Variants in CPQ observed in about 807,000 individuals in gnomAD.
CPQ encodes the protein carboxypeptidase Q, also known as Ser-Met dipeptidase.
A neutral mutation model predicts 45.7 loss-of-function variants in CPQ; 37 were observed. The ratio of observed to expected loss-of-function variants is 0.81; its 90% CI spans 0.62 to 1.07. CPQ has a LOEUF of 1.07. CPQ is among the 50% of genes least tolerant of loss of function. CPQ has a pLI of 0.00. For missense variants in CPQ, 537 were observed against 572.9 expected, an observed-to-expected ratio of 0.94 and a Z score of 0.64; for synonymous variants, 186 against 205.8, an observed-to-expected ratio of 0.90 and a Z score of 0.82.
chr8:97,111,388 T>C (rs1022701399), intron 7 of CPQ, among the ~76,000 whole-genome samples: 3 of 152,156 alleles, frequency 2.0e-5, no homozygotes, highest in African/African-American at 7.2e-5. Context: ...GATGACGGCC[T>C]CCCTCATAGC....
intron 4 of CPQ, among the ~76,000 whole-genome samples, chr8:96,949,945 C>T (rs1316339281): frequency 6.6e-6 from 1 of 152,014 alleles, no homozygotes; most frequent in Non-Finnish European, 1.5e-5. Context: ...TTTATGTTTA[C>T]TTTTTATGTT....
chr8:97,123,182 A>AATAAAATAAAAT (rs1811780167), intron 7 of CPQ, among the ~76,000 whole-genome samples: 2 of 120,776 alleles, frequency 1.7e-5, no homozygotes, highest in African/African-American at 6.7e-5. Flanking sequence ...TAAAATATAA[A>AATAAAATAAAAT]ATAAAATAAA....
intron 7 of CPQ, among the ~76,000 whole-genome samples, chr8:97,069,825 A>G (rs1302216895): frequency 6.6e-6 from 1 of 152,182 alleles, no homozygotes; most frequent in Non-Finnish European, 1.5e-5. Flanking sequence ...AGGTGACTGT[A>G]TGATGACTAG....
intron 7 of CPQ, among the ~76,000 whole-genome samples, chr8:97,134,336 A>T (rs1480251158): frequency 1.3e-5 from 2 of 152,248 alleles, no homozygotes; most frequent in Non-Finnish European, 2.9e-5. Flanking sequence ...AGATAGTGCT[A>T]TGAAAAAGAA....
At chr8:96,856,461 A>T (rs540033523) in intron 3 of CPQ, among the ~76,000 whole-genome samples, 36 of 152,200 alleles carry the variant, frequency 2.4e-4, no homozygotes, top group Non-Finnish European at 4.0e-4. Flanking sequence ...TTTATTTGAA[A>T]TTATCTTGTT....
chr8:97,063,273 G>A (rs1423847837), intron 6 of CPQ, among the ~76,000 whole-genome samples: 1 of 152,076 alleles, frequency 6.6e-6, no homozygotes, highest in African/African-American at 2.4e-5. Flanking sequence ...CCACACGTAT[G>A]TCTTCTTTTG....
intron 6 of CPQ, among the ~76,000 whole-genome samples, chr8:97,063,848 A>G (rs1266004986): frequency 6.6e-6 from 1 of 152,028 alleles, no homozygotes; most frequent in Non-Finnish European, 1.5e-5. Context: ...TACCAATACC[A>G]TGCTGTTTTG....
At chr8:96,708,052 C>CT (rs1185583924) in intron 1 of CPQ, among the ~76,000 whole-genome samples, 33 of 152,042 alleles carry the variant, frequency 2.2e-4, no homozygotes, top group Admixed American at 2.2e-3. Flanking sequence ...TTTTCTTTTC[C>CT]TTTCTAGCAT....
chr8:96,889,363 G>A (rs1302571039), intron 4 of CPQ, among the ~76,000 whole-genome samples: 2 of 152,202 alleles, frequency 1.3e-5, no homozygotes, highest in East Asian at 1.9e-4. Context: ...GGCAGGAGTT[G>A]TTGAAGTTTG....
intron 4 of CPQ, among the ~76,000 whole-genome samples, chr8:96,922,189 G>T (rs1315520356): frequency 6.6e-6 from 1 of 152,138 alleles, no homozygotes; most frequent in African/African-American, 2.4e-5. Flanking sequence ...TTAAAAAGAT[G>T]TTTCCAAAGT....
rs142883227 is a variant in CPQ, at chr8:97,128,958, G to A, written c.1256-14062G>A. Reference sequence around the variant, plus strand: ...GAGACATTTCTCCACAGGGGGAAGTGAGTCTAAATATTAGGAGGGTCAGTA... The same window carrying A: ...GAGACATTTCTCCACAGGGGGAAGTAAGTCTAAATATTAGGAGGGTCAGTA... On this transcript the variant is annotated intron_variant, in intron 7 of 7. Transcript: ENST00000220763. 3.5e-4 allele frequency among the ~76,000 whole-genome samples: 54 copies of A among 152,318 alleles called. 1 individual carries two copies. In the East Asian group the frequency reaches 9.9e-3, roughly 28 times the overall value.
At chr8:96,696,111 A>T (rs1418443474) in intron 1 of CPQ, among the ~76,000 whole-genome samples, 1 of 152,062 alleles carries the variant, frequency 6.6e-6, no homozygotes, top group Non-Finnish European at 1.5e-5. Context: ...CTATGCAGCC[A>T]TAAAAAATGA....
In CPQ at chr8:96,655,726, G is replaced by T. The variant is rs539322856; in HGVS notation, c.-35+10324G>T. Among the ~76,000 whole-genome samples the T allele has an allele frequency of 9.5e-4, 144 of 152,294 alleles. 1 individual carries two copies. The highest frequency in any genetic ancestry group is 3.2e-3 in the African/African-American group (133 of 41,562). ...ACCAATTGTAATGTCAAAAAATTAT[G>T]AGTTGAACCATCATAAGTGCAGATG... On this transcript the variant is annotated intron_variant, in intron 1 of 7. Transcript: ENST00000220763.
At chr8:96,716,767 T>G (rs898622688) in intron 1 of CPQ, among the ~76,000 whole-genome samples, 1 of 151,528 alleles carries the variant, frequency 6.6e-6, no homozygotes, top group African/African-American at 2.4e-5. Flanking sequence ...ATTAGCTGGG[T>G]GTGTTGGCGT....
At chr8:97,111,600 A>G (rs1057085520) in intron 7 of CPQ, among the ~76,000 whole-genome samples, 2 of 152,112 alleles carry the variant, frequency 1.3e-5, no homozygotes, top group Non-Finnish European at 2.9e-5. Context: ...GAAGCAATAA[A>G]TTGCTTCAGA....
chr8:96,726,495 A>G (rs1809840907), intron 1 of CPQ, among the ~76,000 whole-genome samples: 1 of 152,108 alleles, frequency 6.6e-6, no homozygotes, highest in Non-Finnish European at 1.5e-5. Flanking sequence ...GAAACATACA[A>G]TCATAGTGGA....
intron 5 of CPQ, among the ~76,000 whole-genome samples, chr8:97,000,754 A>T (rs1490837054): frequency 5.9e-5 from 9 of 151,930 alleles, no homozygotes; most frequent in Non-Finnish European, 1.3e-4. Context: ...ATTTTAAAAT[A>T]AATTGTTTTA....
At chr8:96,807,991 A>G (rs1190603509) in intron 2 of CPQ, among the ~76,000 whole-genome samples, 2 of 152,216 alleles carry the variant, frequency 1.3e-5, no homozygotes, top group Non-Finnish European at 2.9e-5. Flanking sequence ...AAAGAAAAGC[A>G]CGCTTTTTGT....
At chr8:97,051,823 C>T (rs1159926693) in intron 6 of CPQ, among the ~76,000 whole-genome samples, 2 of 152,166 alleles carry the variant, frequency 1.3e-5, no homozygotes, top group Non-Finnish European at 2.9e-5. Context: ...TGTACATCAC[C>T]TCCTTTTGCT....
Sources: allele counts gnomAD v4.1 joint callset (sites outside exome capture counted in the v4.1 genomes callset), GRCh38; gene constraint gnomAD v4.1.1; transcripts MANE v1.5; gene names NCBI Gene and HGNC (gene_info 2026-07-23, HGNC 2026-07-21).